Variants in ETV6 observed in about 807,000 individuals in gnomAD.
The protein encoded by ETV6 is transcription factor ETV6.
In ETV6, 16 loss-of-function variants were observed where a neutral mutation model predicts 51.1. That is an observed-to-expected ratio of 0.31 (90% CI 0.21 to 0.48). The LOEUF is 0.48. Ranked by LOEUF, ETV6 falls within the 20% of genes least tolerant of loss-of-function variation. The pLI is 0.99. For missense variants in ETV6, 458 were observed against 594.8 expected (o/e 0.77, Z 2.39); for synonymous variants, 240 against 224.1 (o/e 1.07, Z -0.64).
At chr12:11,725,178 A>C (rs1865466444) in intron 1 of ETV6, among the ~76,000 whole-genome samples, 1 of 143,782 alleles carries the variant, frequency 7.0e-6, no homozygotes, top group African/African-American at 2.6e-5. Flanking sequence ...TTTTTTTTCC[A>C]CTCAACTTCT....
At chr12:11,691,904 G>A (rs994325426) in intron 1 of ETV6, among the ~76,000 whole-genome samples, 4 of 152,204 alleles carry the variant, frequency 2.6e-5, no homozygotes, top group Non-Finnish European at 5.9e-5. Context: ...ACTGCACACT[G>A]GGAGAATGTT....
chr12:11,863,943 C>A (rs7958847), intron 4 of ETV6, among the ~76,000 whole-genome samples: 3 of 152,190 alleles, frequency 2.0e-5, no homozygotes, highest in Admixed American at 2.0e-4. Flanking sequence ...GAATTAAATA[C>A]CCTCGGATCC....
chr12:11,669,363 C>CTTCCTCCT (rs1864261213), intron 1 of ETV6, among the ~76,000 whole-genome samples: 1 of 134,972 alleles, frequency 7.4e-6, no homozygotes, highest in East Asian at 2.1e-4. Context: ...CCTGTCCTCC[C>CTTCCTCCT]TTCCTCCCTT....
chr12:11,848,198 A>G (rs1204744213), intron 3 of ETV6, among the ~76,000 whole-genome samples: 4 of 152,194 alleles, frequency 2.6e-5, no homozygotes, highest in Non-Finnish European at 4.4e-5. Flanking sequence ...TTTAATCCTT[A>G]TAACAGCCCT....
chr12:11,799,878 G>T (rs1260813668), intron 2 of ETV6, among the ~76,000 whole-genome samples: 1 of 152,154 alleles, frequency 6.6e-6, no homozygotes, highest in Non-Finnish European at 1.5e-5. Flanking sequence ...TGATCCTCCT[G>T]CCTTAGCCTC....
At chr12:11,872,494 C>CT (rs10528272) in intron 5 of ETV6, among the ~76,000 whole-genome samples, 5,083 of 142,274 alleles carry the variant, frequency 0.036, 155 homozygotes, top group Middle Eastern at 0.061. Context: ...AATTATATTA[C>CT]TTTTTTTTTT....
intron 2 of ETV6, among the ~76,000 whole-genome samples, chr12:11,753,433 C>G (rs1417072299): frequency 6.6e-6 from 1 of 152,132 alleles, no homozygotes; most frequent in African/African-American, 2.4e-5. Flanking sequence ...TCACAGTGTC[C>G]AAGAAAATGC....
At chr12:11,847,796 G>T (rs1031024165) in intron 3 of ETV6, among the ~76,000 whole-genome samples, 2 of 152,140 alleles carry the variant, frequency 1.3e-5, no homozygotes, top group Non-Finnish European at 2.9e-5. Context: ...AGGGAGGAGA[G>T]AAACAGGAGC....
intron 2 of ETV6, among the ~76,000 whole-genome samples, chr12:11,822,894 T>C (rs576767594): frequency 6.6e-6 from 1 of 152,330 alleles, no homozygotes; most frequent in Non-Finnish European, 1.5e-5. Flanking sequence ...ATAATTCAGC[T>C]TGAGTATTTC....
At chr12:11,789,324 CGT>C (rs1945544848) in intron 2 of ETV6, among the ~76,000 whole-genome samples, 1 of 152,042 alleles carries the variant, frequency 6.6e-6, no homozygotes, top group Non-Finnish European at 1.5e-5. Context: ...GAGCCACGAT[CGT>C]ATTTCTTGTT....
Position 11,893,408 on chromosome 12 carries a change from T to G in ETV6, c.*2362T>G. On this transcript the variant is annotated 3_prime_UTR_variant, in exon 8 of 8. Transcript: ENST00000396373. ...GGGAAATTCCCTTTTGCCCCAAGCA[T>G]TTCTATATTTAAAGCAATATCCCAG... is the stretch of plus-strand genomic sequence containing the variant. 1 of 231,812 alleles carries G rather than the reference T, an allele frequency of 4.3e-6. No homozygotes were observed. Among genetic ancestry groups the G allele is most frequent in the Non-Finnish European group, 8.5e-6 (1 of 117,288 alleles). 14.4% of individuals were successfully genotyped at this position (231,812 alleles called of 1,614,324 possible).
intron 1 of ETV6, among the ~76,000 whole-genome samples, chr12:11,699,005 C>T (rs941064831): frequency 1.3e-5 from 2 of 152,212 alleles, no homozygotes; most frequent in Non-Finnish European, 2.9e-5. Flanking sequence ...AACCCACTAT[C>T]ATCGCACTCT....
chr12:11,659,580 T>C (rs955535264), intron 1 of ETV6, among the ~76,000 whole-genome samples: 1 of 152,206 alleles, frequency 6.6e-6, no homozygotes, highest in African/African-American at 2.4e-5. Context: ...ATCTCTTTGA[T>C]GAGGTCAGTA....
In ETV6 at chr12:11,895,254, T is replaced by C. The variant is rs1947375188; in HGVS notation, c.*4208T>C. The C allele has an allele frequency of 4.3e-6, 1 of 230,584 alleles. No individual in the cohort carries two copies. The highest frequency in any genetic ancestry group is 2.2e-5 in the African/African-American group (1 of 44,628). 14.3% of individuals were successfully genotyped at this position (230,584 alleles called of 1,614,324 possible). A position where few individuals can be genotyped will look rare whatever the true frequency, so the allele number is the denominator to read the frequency against. On this transcript the variant is annotated 3_prime_UTR_variant, in exon 8 of 8. Transcript: ENST00000396373. Reference sequence around the variant, plus strand: ...TCTCTTGTTTATGAGGTGTGGGGTTTATAAGGGACTGAATCAAATGAATGT... The same window carrying C: ...TCTCTTGTTTATGAGGTGTGGGGTTCATAAGGGACTGAATCAAATGAATGT...
intron 2 of ETV6, among the ~76,000 whole-genome samples, chr12:11,791,020 C>T (rs781103190): frequency 1.6e-4 from 25 of 152,052 alleles, no homozygotes; most frequent in Admixed American, 3.9e-4. Flanking sequence ...GGGGAGGAGC[C>T]GTGACTCGAC....
At chr12:11,710,924 T>G (rs1273847508) in intron 1 of ETV6, among the ~76,000 whole-genome samples, 1 of 152,188 alleles carries the variant, frequency 6.6e-6, no homozygotes, top group African/African-American at 2.4e-5. Flanking sequence ...AAGCAGATCC[T>G]GGAGGCTGCA....
At chr12:11,716,252 A>C (rs746848438) in intron 1 of ETV6, among the ~76,000 whole-genome samples, 30 of 140,390 alleles carry the variant, frequency 2.1e-4, no homozygotes, top group Admixed American at 5.6e-4. Context: ...AATAGCGTGA[A>C]TCTGGGAGGC....
intron 3 of ETV6, among the ~76,000 whole-genome samples, chr12:11,846,099 T>G (rs1268834506): frequency 6.6e-6 from 1 of 152,088 alleles, no homozygotes; most frequent in East Asian, 1.9e-4. Flanking sequence ...ACTGTTGAAT[T>G]TATTATGTAA....
chr12:11,838,306 C>T (rs1187582629), intron 2 of ETV6, among the ~76,000 whole-genome samples: 2 of 152,164 alleles, frequency 1.3e-5, no homozygotes, highest in East Asian at 1.9e-4. Flanking sequence ...TTTTGAGAAC[C>T]ACTGTTCTAA....
Sources: allele counts gnomAD v4.1 joint callset (sites outside exome capture counted in the v4.1 genomes callset), GRCh38; gene constraint gnomAD v4.1.1; transcripts MANE v1.5; gene names NCBI Gene and HGNC (gene_info 2026-07-23, HGNC 2026-07-21).